The following NHSL2 variants were observed in gnomAD, a reference collection of about 807,000 sequenced individuals.
The protein encoded by NHSL2 is NHS-like protein 2.
Under a neutral mutation model 53.4 loss-of-function variants are expected in NHSL2, and 27 were observed. The ratio of observed to expected loss-of-function variants is 0.51; its 90% confidence interval spans 0.37 to 0.70. The LOEUF (loss-of-function observed/expected upper bound fraction) is 0.70, where lower values mean the gene tolerates loss of function less well. NHSL2 is among the 30% of genes least tolerant of loss of function. The pLI, the probability that NHSL2 is intolerant of heterozygous loss-of-function variation, is 0.00. For missense variants in NHSL2, 892 were observed against 980.1 expected, an observed-to-expected ratio of 0.91 and a Z score of 1.20; for synonymous variants, 408 against 404.1, an observed-to-expected ratio of 1.01 and a Z score of -0.12.
chrX:71,934,625 A>T (rs1489712407), intron 1 of NHSL2, among the ~76,000 whole-genome samples: 1 of 111,547 alleles, frequency 9.0e-6, no homozygotes, highest in Non-Finnish European at 1.9e-5. Context: ...TAGAGAATGG[A>T]CTGTGAGGCA....
rs2042505637 is a variant in NHSL2 at position 72,150,721 on chromosome X, G to A, written c.*7147G>A. 8.9e-6 allele frequency: 1 copy of A among 112,048 alleles called. No homozygotes were observed. Among genetic ancestry groups the A allele is most frequent in the African/African-American group, 3.2e-5 (1 of 30,806 alleles). The allele number at this position is 112,048 out of a possible 1,213,427, so 9.2% of individuals were successfully genotyped here. ...ACCTTACTATTCTGTGGAATTGCAA[G>A]CCATGCATCTTTTAGAGCCACACTA... On this transcript the variant is annotated 3_prime_UTR_variant, in exon 8 of 8. Coordinates refer to ENST00000633930, the MANE Select transcript of NHSL2 (RefSeq NM_001013627.3).
At chrX:72,026,699 C>G (rs1170578713) in intron 1 of NHSL2, among the ~76,000 whole-genome samples, 2 of 112,530 alleles carry the variant, frequency 1.8e-5, no homozygotes, top group East Asian at 5.6e-4. Flanking sequence ...CCTCAAATGG[C>G]AGATCCTGAT....
At chrX:71,954,036 G>T (rs993123320) in intron 1 of NHSL2, among the ~76,000 whole-genome samples, 2 of 112,242 alleles carry the variant, frequency 1.8e-5, no homozygotes, top group African/African-American at 3.2e-5. Context: ...TTGCACTGAA[G>T]AAATCTGCAC....
intron 1 of NHSL2, among the ~76,000 whole-genome samples, chrX:71,958,197 G>C (rs1042646304): frequency 1.8e-5 from 2 of 110,969 alleles, no homozygotes; most frequent in Non-Finnish European, 3.8e-5. Flanking sequence ...CTGCAAATCA[G>C]TGATAGTCCT....
intron 1 of NHSL2, chrX:72,027,580 G>A (rs2042192168): frequency 9.0e-6 from 1 of 111,475 alleles, no homozygotes; most frequent in African/African-American, 3.3e-5. Flanking sequence ...TGGTGAACTT[G>A]GCCAGGAGGT....
chrX:72,135,331 C>A (rs2042346974), intron 4 of NHSL2, among the ~76,000 whole-genome samples: 1 of 111,883 alleles, frequency 8.9e-6, no homozygotes, highest in Non-Finnish European at 1.9e-5. Context: ...TTATATGTAG[C>A]CCAGCTGGCT....
intron 1 of NHSL2, among the ~76,000 whole-genome samples, chrX:71,915,172 C>CT (rs34518199): frequency 3.6e-5 from 4 of 111,803 alleles, no homozygotes; most frequent in African/African-American, 9.8e-5. Context: ...TTAATCTTCT[C>CT]TTTTTTAAGA....
At chrX:72,102,736 C>G (rs2042005464) in intron 1 of NHSL2, among the ~76,000 whole-genome samples, 1 of 112,414 alleles carries the variant, frequency 8.9e-6, no homozygotes, top group Admixed American at 9.4e-5. Flanking sequence ...TTAGTAATCC[C>G]TTTCATCAGA....
chrX:71,990,780 G>C (rs777404323), intron 1 of NHSL2, among the ~76,000 whole-genome samples: 1 of 112,201 alleles, frequency 8.9e-6, no homozygotes, highest in South Asian at 3.7e-4. Flanking sequence ...CTTCTCTGCT[G>C]CTTCCAGCAT....
chrX:72,109,073 G>A (rs757299456), intron 1 of NHSL2, among the ~76,000 whole-genome samples: 9 of 110,937 alleles, frequency 8.1e-5, no homozygotes, highest in Non-Finnish European at 1.7e-4. Flanking sequence ...CTCTTTGTGC[G>A]GCTGGTTCCT....
chrX:71,911,378 C>A lies in NHSL2; in HGVS notation c.280+11C>A. 1 of 1,049,572 alleles carries A rather than the reference C, an allele frequency of 9.5e-7. No individual in the cohort carries two copies. Among genetic ancestry groups the A allele is most frequent in the Admixed American group, 3.6e-5 (1 of 27,898 alleles). 86.5% of individuals were successfully genotyped at this position (1,049,572 alleles called of 1,213,427 possible). ...ACGAGGAAGAGCTAGGTAAAAACGG[C>A]GCCCCGGTGGCTCGCGGCCCCGCGT... On this transcript the variant is annotated intron_variant, in intron 1 of 7. Coordinates refer to ENST00000633930, the MANE Select transcript of NHSL2 (RefSeq NM_001013627.3).
intron 5 of NHSL2, among the ~76,000 whole-genome samples, chrX:72,137,594 G>T (rs1472382309): frequency 9.0e-6 from 1 of 111,703 alleles, no homozygotes; most frequent in East Asian, 2.8e-4. Context: ...CACAGACCAG[G>T]GAGATAGCAG....
chrX:72,100,639 T>C (rs1682714803), intron 1 of NHSL2, among the ~76,000 whole-genome samples: 1 of 111,871 alleles, frequency 8.9e-6, no homozygotes, highest in African/African-American at 3.3e-5. Context: ...TAGATTCTCA[T>C]AGGAGCAGGA....
chrX:72,063,165 G>A lies in NHSL2; in HGVS notation c.281-68914G>A, dbSNP rs751677950. The stretch of plus-strand genomic sequence containing the variant: ...ACACCAGCTCTCAGAAGGCGTTCTG[G>A]CTTCTTACTGGGATAGGGGCCAAAA... On this transcript the variant is annotated intron_variant, in intron 1 of 7. Transcript: ENST00000633930. Among the ~76,000 whole-genome samples the A allele has an allele frequency of 2.0e-4, 22 of 111,729 alleles. No homozygotes were observed. The South Asian group carries it at 8.3e-3, about 42-fold the overall frequency.
At chrX:72,124,470 AG>A (rs1444110611) in intron 1 of NHSL2, among the ~76,000 whole-genome samples, 1 of 111,337 alleles carries the variant, frequency 9.0e-6, no homozygotes, top group Admixed American at 9.5e-5. Context: ...AGGGAGCTCT[AG>A]GGGAAGGCTC....
intron 1 of NHSL2, among the ~76,000 whole-genome samples, chrX:72,084,804 C>G (rs2041822122): frequency 8.9e-6 from 1 of 111,797 alleles, no homozygotes; most frequent in East Asian, 2.8e-4. Context: ...CAGAGTGTGG[C>G]TATCAAGAGC....
At chrX:72,075,714 G>T (rs183363004) in intron 1 of NHSL2, among the ~76,000 whole-genome samples, 68 of 111,636 alleles carry the variant, frequency 6.1e-4, no homozygotes, top group Middle Eastern at 9.1e-3. Flanking sequence ...ACCTCATGGG[G>T]TGGTTGTGAG....
chrX:72,024,820 A>C (rs964210222), intron 1 of NHSL2, among the ~76,000 whole-genome samples: 3 of 112,499 alleles, frequency 2.7e-5, no homozygotes, highest in Non-Finnish European at 5.6e-5. Context: ...TGAAGGTGTT[A>C]ATCAAGAAGC....
At chrX:71,959,134 T>C (rs141235652) in intron 1 of NHSL2, among the ~76,000 whole-genome samples, 2,357 of 112,135 alleles carry the variant, frequency 0.021, 65 homozygotes, top group African/African-American at 0.073. Flanking sequence ...ACTCAGGGCT[T>C]CAATTCCAGT....
Sources: gnomAD v4.1 joint callset for allele counts (sites outside exome capture counted in the v4.1 genomes callset) on GRCh38, gnomAD v4.1.1 for gene constraint, MANE v1.5 for transcripts, NCBI Gene and HGNC (gene_info 2026-07-23, HGNC 2026-07-21) for gene names.